The following FAAH2 variants were observed in gnomAD, a reference collection of about 807,000 sequenced individuals.
The protein encoded by FAAH2 is fatty acid amide hydrolase 2.
FAAH2 carries 60 observed loss-of-function variants against 36.9 expected under a neutral mutation model. That is an observed-to-expected ratio of 1.63 (90% CI 1.32 to 2.02). FAAH2 has a LOEUF of 2.02. FAAH2 is among the 30% of genes most tolerant of loss of function. FAAH2 has a pLI of 0.00. For missense variants in FAAH2, 689 were observed against 397.5 expected (o/e 1.73, Z -6.23); for synonymous variants, 214 against 143.8 (o/e 1.49, Z -3.49).
At chrX:57,465,460 T>C (rs1351502996) in intron 10 of FAAH2, among the ~76,000 whole-genome samples, 1 of 111,333 alleles carries the variant, frequency 9.0e-6, no homozygotes, top group Non-Finnish European at 1.9e-5. Flanking sequence ...AACCTACCCA[T>C]CAACTAGAAG....
chrX:57,378,709 G>A lies in FAAH2; in HGVS notation c.801G>A (p.Leu267=). The A allele has an allele frequency of 8.3e-7, 1 of 1,211,016 alleles. No homozygotes were observed. Among genetic ancestry groups the A allele is most frequent in the Non-Finnish European group, 1.1e-6 (1 of 895,130 alleles). The change falls in exon 6 of 11, where the codon CTG becomes CTA. Residue 267 remains leucine, a synonymous_variant. Transcript: ENST00000374900. ...CTGTGGGAGCCCAGGAGTTGTTTCT[G>A]TGCACTGGTCCTATGTGCCGTTATG... ...PLAVGAQELF[L]CTGPMCRYAE... is the part of the protein sequence containing the mutation.
intron 5 of FAAH2, among the ~76,000 whole-genome samples, chrX:57,350,694 C>T (rs1412460540): frequency 9.0e-6 from 1 of 110,522 alleles, no homozygotes; most frequent in Non-Finnish European, 1.9e-5. Flanking sequence ...CAAAATTGGG[C>T]AGGAGTAGCT....
intron 8 of FAAH2, among the ~76,000 whole-genome samples, chrX:57,437,717 AT>A (rs1302271597): frequency 1.2e-5 from 1 of 83,425 alleles, no homozygotes; most frequent in Non-Finnish European, 2.2e-5. Context: ...TATATAACAT[AT>A]TTATATATTA....
At chrX:57,293,420 T>C (rs1033430074) in intron 2 of FAAH2, among the ~76,000 whole-genome samples, 2 of 112,263 alleles carry the variant, frequency 1.8e-5, no homozygotes, top group African/African-American at 6.5e-5. Context: ...TGTATCATAA[T>C]AGATACTTTA....
chrX:57,136,958 G>T, the FAAH2 span: 12 of 872,440 alleles, frequency 1.4e-5, no homozygotes, highest in East Asian at 1.6e-4. Flanking sequence ...CTACCCTCCT[G>T]CCCTGAGTGC....
At position 57,292,542 on chromosome X, in the gene FAAH2, G is replaced by A. The variant is rs866993181; in HGVS notation, c.237G>A (p.Lys79=). The A allele has an allele frequency of 9.9e-6, 12 of 1,208,419 alleles. No individual in the cohort carries two copies. Among genetic ancestry groups the A allele is most frequent in the Non-Finnish European group, 1.3e-5 (12 of 894,208 alleles). ...DVVQAYINRI[K]DVNPMINGIV... ...TTCAGGCTTATATCAACAGAATCAAGGACGTGAACCCAATGATCAATGGAA... is the reference window on the plus strand; with the variant it reads ...TTCAGGCTTATATCAACAGAATCAAAGACGTGAACCCAATGATCAATGGAA... The change falls in exon 2 of 11, where the codon AAG becomes AAA. Residue 79 remains lysine (K), a synonymous_variant. Transcript: ENST00000374900.
intron 6 of FAAH2, among the ~76,000 whole-genome samples, chrX:57,379,342 C>T (rs2054774741): frequency 9.0e-6 from 1 of 111,387 alleles, no homozygotes; most frequent in Admixed American, 9.6e-5. Flanking sequence ...CTTACCATCA[C>T]ATTTTTCTAG....
the FAAH2 span, among the ~76,000 whole-genome samples, chrX:57,211,200 A>G: frequency 4.1e-3 from 460 of 111,913 alleles, 2 homozygotes; most frequent in Middle Eastern, 9.3e-3. Flanking sequence ...ATGCAACTCC[A>G]GTGGCAGCCT....
chrX:57,205,335 G>A, the FAAH2 span, among the ~76,000 whole-genome samples: 3 of 112,335 alleles, frequency 2.7e-5, no homozygotes, highest in Non-Finnish European at 5.6e-5. Flanking sequence ...TAATAACTAG[G>A]CAATCAGCCA....
At chrX:57,380,350 GA>G (rs1371050630) in intron 6 of FAAH2, among the ~76,000 whole-genome samples, 1 of 111,105 alleles carries the variant, frequency 9.0e-6, no homozygotes, top group Non-Finnish European at 1.9e-5. Flanking sequence ...TAAGCTAGAG[GA>G]CTGTCTATTT....
the FAAH2 span, among the ~76,000 whole-genome samples, chrX:57,265,586 C>G: frequency 9.0e-6 from 1 of 111,357 alleles, no homozygotes; most frequent in Non-Finnish European, 1.9e-5. Flanking sequence ...CAGATTGCTT[C>G]TTTAATTGGG....
At chrX:57,298,720 A>G (rs2052227732) in intron 2 of FAAH2, among the ~76,000 whole-genome samples, 1 of 66,171 alleles carries the variant, frequency 1.5e-5, no homozygotes, top group East Asian at 5.0e-4. Context: ...CAGACTAATA[A>G]AGAAGAAAAA....
At chrX:57,146,002 A>G in the FAAH2 span, among the ~76,000 whole-genome samples, 44,040 of 106,690 alleles carry the variant, frequency 0.41, 8,553 homozygotes, top group African/African-American at 0.74. Flanking sequence ...GATGCCTCCA[A>G]ATTTTTTTTT....
At chrX:57,261,386 C>G in the FAAH2 span, among the ~76,000 whole-genome samples, 1 of 108,295 alleles carries the variant, frequency 9.2e-6, no homozygotes, top group Non-Finnish European at 1.9e-5. Flanking sequence ...AACCCTGTCT[C>G]TACTAAAAAT....
intron 5 of FAAH2, among the ~76,000 whole-genome samples, chrX:57,352,121 CACAT>C (rs2054036207): frequency 1.0e-4 from 4 of 39,430 alleles, no homozygotes; most frequent in South Asian, 1.5e-3. Context: ...TATATATATG[CACAT>C]ATATATATAT....
intron 2 of FAAH2, among the ~76,000 whole-genome samples, chrX:57,308,319 C>A (rs1339380828): frequency 9.0e-6 from 1 of 111,226 alleles, no homozygotes; most frequent in Non-Finnish European, 1.9e-5. Context: ...TTAATAATAG[C>A]CATTCTGACT....
the FAAH2 span, among the ~76,000 whole-genome samples, chrX:57,197,274 T>C: frequency 1.8e-5 from 2 of 111,878 alleles, no homozygotes; most frequent in African/African-American, 6.5e-5. Context: ...TCCTTATCTG[T>C]ATTATTTGTT....
At chrX:57,157,303 A>G in the FAAH2 span, among the ~76,000 whole-genome samples, 1 of 111,356 alleles carries the variant, frequency 9.0e-6, no homozygotes, top group Non-Finnish European at 1.9e-5. Flanking sequence ...GCACCCAATG[A>G]CTGTAGTCAT....
At chrX:57,422,745 A>T (rs1286054701) in intron 7 of FAAH2, among the ~76,000 whole-genome samples, 1 of 111,345 alleles carries the variant, frequency 9.0e-6, no homozygotes, top group East Asian at 2.9e-4. Flanking sequence ...TGCAGGGAGG[A>T]CACAAGGACA....
Sources: allele counts gnomAD v4.1 joint callset (sites outside exome capture counted in the v4.1 genomes callset), GRCh38; gene constraint gnomAD v4.1.1; transcripts MANE v1.5; gene names NCBI Gene and HGNC (gene_info 2026-07-23, HGNC 2026-07-21).